PRKDC: variants seen among roughly 807,000 people sequenced by gnomAD.
PRKDC encodes protein kinase, DNA-activated, catalytic subunit, also known as DNA-dependent protein kinase catalytic subunit.
PRKDC carries 82 observed loss-of-function variants against 486.9 expected under a neutral mutation model. The observed-to-expected ratio is 0.17, with a 90% CI of 0.14 to 0.20. PRKDC has a LOEUF of 0.20. Ranked by LOEUF, PRKDC falls within the 10% of genes least tolerant of loss-of-function variation. PRKDC has a pLI of 1.00. For synonymous variants in PRKDC, 1,895 were observed against 1,837.0 expected (o/e 1.03, Z -0.81); for missense variants, 4,504 against 5,038.2 (o/e 0.89, Z 3.21).
chr8:47,840,200 G>T lies in PRKDC; in HGVS notation c.7281-11C>A. The T allele has an allele frequency of 6.4e-7, 1 of 1,558,926 alleles. No individual in the cohort carries two copies. The highest frequency in any genetic ancestry group is 8.7e-7 in the Non-Finnish European group (1 of 1,149,234). ...TGTCTTTCATCATCTCTATGGGAGAGATTTTAAAAACACACAAATTTAGCT... is the reference window on the plus strand; with the variant it reads ...TGTCTTTCATCATCTCTATGGGAGATATTTTAAAAACACACAAATTTAGCT... On this transcript the variant is annotated splice_polypyrimidine_tract_variant and intron_variant, in intron 54 of 85. Coordinates refer to ENST00000314191, the MANE Select transcript of PRKDC (RefSeq NM_006904.7).
intron 31 of PRKDC, among the ~76,000 whole-genome samples, chr8:47,891,796 A>G (rs1012765790): frequency 6.6e-6 from 1 of 152,228 alleles, no homozygotes. Context: ...ACACACTGCA[A>G]CCATGGATCT....
chr8:47,785,101 A>AG lies in PRKDC; in HGVS notation c.11107+11dup. On this transcript the variant is annotated intron_variant, in intron 77 of 85. Coordinates refer to ENST00000314191, the MANE Select transcript of PRKDC (RefSeq NM_006904.7). ...GACAGTACAGTTTTGTCACCCCTGG[A>AG]GGTTAACTCACCGGGAATCTCCAGC... 6.2e-7 allele frequency: 1 copy of AG among 1,613,262 alleles called. No homozygotes were observed. Among genetic ancestry groups the AG allele is most frequent in the Non-Finnish European group, 8.5e-7 (1 of 1,179,278 alleles).
chr8:47,957,144 TA>T, intron 3 of PRKDC, 26 bp downstream of exon 3: 1 of 1,416,026 alleles, frequency 7.1e-7, no homozygotes, highest in Non-Finnish European at 9.9e-7. Context: ...ATATATAATG[TA>T]ATAAGGTATG....
At chr8:47,944,168 C>A in intron 7 of PRKDC, 139 bp from the exon 8 acceptor site, 1 of 771,980 alleles carries the variant, frequency 1.3e-6, no homozygotes. Context: ...TTCCATCCAG[C>A]TAAAGTTGCA....
chr8:47,909,251 T>C (rs373819005), intron 25 of PRKDC, among the ~76,000 whole-genome samples: 5 of 152,214 alleles, frequency 3.3e-5, no homozygotes, highest in African/African-American at 1.2e-4. Context: ...ATTGTGAAGA[T>C]TTCATGGACA....
At chr8:47,898,774 A>G (rs1217895433) in intron 28 of PRKDC, among the ~76,000 whole-genome samples, 1 of 152,262 alleles carries the variant, frequency 6.6e-6, no homozygotes, top group Non-Finnish European at 1.5e-5. Flanking sequence ...CCCCTATTTA[A>G]GACTGCAGGA....
intron 7 of PRKDC, among the ~76,000 whole-genome samples, chr8:47,948,338 G>C (rs2090571235): frequency 6.6e-6 from 1 of 151,546 alleles, no homozygotes; most frequent in Non-Finnish European, 1.5e-5. Context: ...TCGATCTCTT[G>C]ACCTTGTGAT....
intron 85 of PRKDC, among the ~76,000 whole-genome samples, chr8:47,775,018 T>C (rs1189831105): frequency 6.6e-6 from 1 of 151,912 alleles, no homozygotes; most frequent in African/African-American, 2.4e-5. Context: ...CGAAACCCCA[T>C]TTCTACTAAA....
chr8:47,833,088 C>T (rs932569342), intron 59 of PRKDC, among the ~76,000 whole-genome samples: 3 of 152,192 alleles, frequency 2.0e-5, no homozygotes, highest in African/African-American at 7.2e-5. Context: ...TTCTCAGCAC[C>T]CAGGTGGCTC....
chr8:47,949,508 C>T (rs1296354450), intron 7 of PRKDC, among the ~76,000 whole-genome samples: 1 of 152,206 alleles, frequency 6.6e-6, no homozygotes, highest in Admixed American at 6.5e-5. Context: ...TTTCCTTCCA[C>T]TATATATGTT....
chr8:47,928,405 G>C (rs1249287362), intron 19 of PRKDC, among the ~76,000 whole-genome samples: 2 of 151,974 alleles, frequency 1.3e-5, no homozygotes, highest in South Asian at 4.1e-4. Flanking sequence ...CACCCACCTT[G>C]GCCTCCCAAA....
At chr8:47,848,879 G>A (rs1247639744) in intron 54 of PRKDC, among the ~76,000 whole-genome samples, 1 of 152,206 alleles carries the variant, frequency 6.6e-6, no homozygotes, top group Non-Finnish European at 1.5e-5. Context: ...TCTGAAGAGA[G>A]CCAAGGTAAC....
At chr8:47,821,855 T>C in intron 64 of PRKDC, 63 bp from the exon 65 acceptor site, 1 of 1,340,796 alleles carries the variant, frequency 7.5e-7, no homozygotes, top group Non-Finnish European at 1.0e-6. Context: ...TGAGAACACG[T>C]AAAAAGGAGG....
intron 77 of PRKDC, among the ~76,000 whole-genome samples, chr8:47,784,751 C>T (rs2086762413): frequency 6.6e-6 from 1 of 151,522 alleles, no homozygotes; most frequent in Non-Finnish European, 1.5e-5. Context: ...ACTGTGTACA[C>T]ATCCCAGGAA....
rs1292450803 is a variant in PRKDC, at chr8:47,890,379, C to T, written c.3949G>A (p.Ala1317Thr). ...TGTGGGCTTGTTCTGTTACCTGCTGCCCCAGTGCCAAAGCACTTTTCTGCT... is the reference window on the plus strand; with the variant it reads ...TGTGGGCTTGTTCTGTTACCTGCTGTCCCAGTGCCAAAGCACTTTTCTGCT... ...IAAEKCFGTG[A>T]AGNRTSPQEG... The change falls in exon 32 of 86, where the codon GCA becomes ACA. Residue 1317 changes from alanine (A) to threonine (T), a missense_variant. This residue lies in a region of PRKDC where 1,969 missense variants were observed against 2,068.9 expected (regional missense o/e 0.95). Coordinates refer to ENST00000314191, the MANE Select transcript of PRKDC (RefSeq NM_006904.7). The T allele has an allele frequency of 1.2e-6, 2 of 1,611,892 alleles. No homozygotes were observed. Among genetic ancestry groups the T allele is most frequent in the Admixed American group, 3.3e-5 (2 of 59,732 alleles).
rs2086710748 is a variant in PRKDC at position 47,782,312 on chromosome 8, A to G, written c.11397-58T>C. 6.2e-7 allele frequency: 1 copy of G among 1,612,076 alleles called. No individual in the cohort carries two copies. Among genetic ancestry groups the G allele is most frequent in the Admixed American group, 1.7e-5 (1 of 59,876 alleles). On this transcript the variant is annotated intron_variant, in intron 79 of 85. Coordinates refer to ENST00000314191, the MANE Select transcript of PRKDC (RefSeq NM_006904.7). The surrounding 1 kb of genome is among the most constrained non-coding windows in gnomAD (Gnocchi z 4.9). ...CCCAAACTGCTCTTTCTTCACTAGAAAAACAGTCCCGTGGACGCCAAGCAA... is the reference window on the plus strand; with the variant it reads ...CCCAAACTGCTCTTTCTTCACTAGAGAAACAGTCCCGTGGACGCCAAGCAA...
At chr8:47,947,255 G>A (rs1041057617) in intron 7 of PRKDC, among the ~76,000 whole-genome samples, 3 of 152,252 alleles carry the variant, frequency 2.0e-5, no homozygotes, top group African/African-American at 2.4e-5. Flanking sequence ...CGACTTCTGC[G>A]TTACATCCTC....
chr8:47,827,357 A>C (rs2087762277), intron 62 of PRKDC, among the ~76,000 whole-genome samples: 1 of 152,240 alleles, frequency 6.6e-6, no homozygotes, highest in South Asian at 2.1e-4. Context: ...ACTTCAGAAA[A>C]GGTCACTAGA....
chr8:47,935,678 A>C (rs2090337551), intron 13 of PRKDC, 54 bp downstream of exon 13: 12 of 1,560,558 alleles, frequency 7.7e-6, no homozygotes, highest in Non-Finnish European at 1.0e-5. Context: ...CCTATATCAA[A>C]TAATGTGTTA....
Sources: allele counts gnomAD v4.1 joint callset (sites outside exome capture counted in the v4.1 genomes callset), GRCh38; gene constraint gnomAD v4.1.1; regional missense constraint gnomAD v4.1.1; non-coding constraint Gnocchi (gnomAD v3.1); transcripts MANE v1.5; gene names NCBI Gene and HGNC (gene_info 2026-07-23, HGNC 2026-07-21).